CARS2: variants seen among roughly 807,000 people sequenced by gnomAD.
The protein encoded by CARS2 is probable cysteine--tRNA ligase, mitochondrial.
A neutral mutation model predicts 68.8 loss-of-function variants in CARS2; 52 were observed. That is an observed-to-expected ratio of 0.76 (90% CI 0.61 to 0.95). CARS2 has a LOEUF of 0.95. Ranked by LOEUF, CARS2 falls within the 40% of genes least tolerant of loss-of-function variation. CARS2 has a pLI of 0.00. For synonymous variants in CARS2, 314 were observed against 303.6 expected (o/e 1.03, Z -0.36); for missense variants, 780 against 754.2 (o/e 1.03, Z -0.40).
intron 3 of CARS2, among the ~76,000 whole-genome samples, chr13:110,699,779 T>C (rs1324406940): frequency 6.6e-6 from 1 of 152,150 alleles, no homozygotes; most frequent in Non-Finnish European, 1.5e-5. Context: ...GCAGTTAAAG[T>C]CAAAGGACCC....
Position 110,642,826 on chromosome 13 carries a change from G to A in CARS2, c.1417-305C>T, listed in dbSNP as rs770860538. On this transcript the variant is annotated intron_variant, in intron 13 of 14. Transcript: ENST00000257347. ...CCGCCCTGAACACAAACGCTCCCTG[G>A]CTTCCAGACCTCACGCAATTGTGGC... 5.6e-5 allele frequency: 36 copies of A among 641,000 alleles called. No individual in the cohort carries two copies. The Middle Eastern group carries it at 7.3e-4, about 13-fold the overall frequency. The allele number at this position is 641,000 out of a possible 1,614,324, so 39.7% of individuals were successfully genotyped here. A position where few individuals can be genotyped will look rare whatever the true frequency, so the allele number is the denominator to read the frequency against.
chr13:110,677,700 G>T (rs1433585644), intron 6 of CARS2, among the ~76,000 whole-genome samples: 1 of 28,550 alleles, frequency 3.5e-5, no homozygotes, highest in African/African-American at 1.0e-4. Context: ...CAGCCACCCC[G>T]CCACGGAAAC....
At chr13:110,651,216 A>G in intron 9 of CARS2, 116 bp from the exon 10 acceptor site, 1 of 653,232 alleles carries the variant, frequency 1.5e-6, no homozygotes, top group Admixed American at 3.6e-5. Context: ...AGAAATCAGG[A>G]ACCTTGATGA....
intron 13 of CARS2, chr13:110,643,760 G>A (rs1435197393): frequency 1.2e-5 from 2 of 172,056 alleles, no homozygotes; most frequent in Non-Finnish European, 2.5e-5. Context: ...GAATAAGGCA[G>A]GAAACCTCAA....
rs201010636 is a variant in CARS2 at position 110,687,727 on chromosome 13, C to T, written c.565G>A (p.Ala189Thr). The T allele has an allele frequency of 3.3e-5, 52 of 1,581,826 alleles. No homozygotes were observed. The East Asian group carries it at 1.2e-3, about 35-fold the overall frequency. ...IIARGNAYST[A>T]KGNVYFDLKS... Reference sequence around the variant, plus strand: ...AAAAGAACATAAACCCTACCTTTTGCCGTTGAATAAGCGTTCCCACGAGCA... The same window carrying T: ...AAAAGAACATAAACCCTACCTTTTGTCGTTGAATAAGCGTTCCCACGAGCA... Residue 189 changes from alanine to threonine, a missense_variant, in exon 5 of 15, where the codon GCA (alanine) becomes ACA (threonine). By Grantham distance (58) the Ala-to-Thr change is moderately conservative. Coordinates refer to ENST00000257347, the MANE Select transcript of CARS2 (RefSeq NM_024537.4).
At chr13:110,683,583 A>C (rs2063214752) in intron 5 of CARS2, among the ~76,000 whole-genome samples, 1 of 152,238 alleles carries the variant, frequency 6.6e-6, no homozygotes, top group Non-Finnish European at 1.5e-5. Flanking sequence ...GTTATCACTG[A>C]CCTTCATTTA....
chr13:110,646,293 A>G (rs912737449), intron 11 of CARS2: 11 of 553,538 alleles, frequency 2.0e-5, no homozygotes, highest in Admixed American at 3.7e-5. Context: ...CCCAAGAAAA[A>G]GTCCCAGAGC....
chr13:110,647,601 C>G (rs1365766166), intron 10 of CARS2, among the ~76,000 whole-genome samples: 1 of 125,414 alleles, frequency 8.0e-6, no homozygotes, highest in Non-Finnish European at 1.6e-5. Context: ...ATGGCTAGCT[C>G]TGGAAAGAGG....
At chr13:110,713,421 C>A (rs1366120624) in exon 1 of CARS2, 1 of 1,006,144 alleles carries the variant, frequency 9.9e-7, no homozygotes, top group Non-Finnish European at 1.2e-6. Flanking sequence ...GGCTCTGCCT[C>A]CAAGTGCCAA....
Position 110,701,534 on chromosome 13 carries a change from G to A in CARS2, c.297C>T (p.Ile99=). 3 of 1,546,912 alleles carry A rather than the reference G, an allele frequency of 1.9e-6. No individual in the cohort carries two copies. Among genetic ancestry groups the A allele is most frequent in the Non-Finnish European group, 8.9e-7 (1 of 1,118,854 alleles). The change falls in exon 3 of 15, where the codon ATC becomes ATT. Residue 99 remains isoleucine, a synonymous_variant. Coordinates refer to ENST00000257347, the MANE Select transcript of CARS2 (RefSeq NM_024537.4). The stretch of plus-strand genomic sequence containing the variant: ...AAACCTTGGTTAGGATCCTTCGAAT[G>A]ATATCAAATCTAACATATGAGCTGA... ...GHACSYVRFD[I]IRRILTKVFG... is the part of the protein sequence containing the mutation.
chr13:110,703,106 ATTTGTT>A (rs2063838426), intron 2 of CARS2, among the ~76,000 whole-genome samples: 1 of 151,676 alleles, frequency 6.6e-6, no homozygotes, highest in Non-Finnish European at 1.5e-5. Context: ...AAACTGATCT[ATTTGTT>A]TTCCCCAAAC....
At chr13:110,691,721 GA>G (rs2063463947) in intron 3 of CARS2, among the ~76,000 whole-genome samples, 1 of 151,974 alleles carries the variant, frequency 6.6e-6, no homozygotes, top group South Asian at 2.1e-4. Context: ...GCTGTTTCTG[GA>G]CTTTTTGGTG....
intron 9 of CARS2, among the ~76,000 whole-genome samples, chr13:110,654,123 C>T (rs1016401772): frequency 6.6e-6 from 1 of 152,194 alleles, no homozygotes; most frequent in Non-Finnish European, 1.5e-5. Context: ...ACAGGGAGCC[C>T]GCTGGGTACA....
At position 110,653,688 on chromosome 13, in the gene CARS2, C is replaced by T. The variant is rs1198745699; in HGVS notation, c.988-2588G>A. 2.0e-5 allele frequency among the ~76,000 whole-genome samples: 3 copies of T among 152,190 alleles called. No homozygotes were observed. Among genetic ancestry groups the T allele is most frequent in the East Asian group, 1.9e-4 (1 of 5,200 alleles). Reference sequence around the variant, plus strand: ...TCTTCCCTGCTCTTGCGGGGGCGGGCGCTACTGCAGCGAGCTATAGTAGTA... The same window carrying T: ...TCTTCCCTGCTCTTGCGGGGGCGGGTGCTACTGCAGCGAGCTATAGTAGTA... On this transcript the variant is annotated intron_variant, in intron 9 of 14. Transcript: ENST00000257347. The surrounding 1 kb of genome is among the most constrained non-coding windows in gnomAD (Gnocchi z 5.6).
chr13:110,685,804 T>C (rs2063284611), intron 5 of CARS2, among the ~76,000 whole-genome samples: 2 of 152,058 alleles, frequency 1.3e-5, no homozygotes, highest in Non-Finnish European at 2.9e-5. Flanking sequence ...TTTATGGCGA[T>C]GCTTCATCAC....
At position 110,647,354 on chromosome 13, in the gene CARS2, G is replaced by A. The variant is rs557965887; in HGVS notation, c.1055-115C>T. The A allele has an allele frequency of 1.2e-4, 159 of 1,295,786 alleles. 1 individual carries two copies. The African/African-American group carries it at 1.7e-3, about 13-fold the overall frequency. 80.3% of individuals were successfully genotyped at this position (1,295,786 alleles called of 1,614,324 possible). ...GCCACCCAGGGACCACACGGAGAGC[G>A]GGACATGTGGCTCTCACGCCCTCCA... On this transcript the variant is annotated intron_variant, in intron 10 of 14. Coordinates refer to ENST00000257347, the MANE Select transcript of CARS2 (RefSeq NM_024537.4).
intron 1 of CARS2, chr13:110,712,619 T>C: frequency 2.2e-6 from 1 of 458,966 alleles, no homozygotes; most frequent in Non-Finnish European, 4.1e-6. Flanking sequence ...TCCGGGAGCT[T>C]TGGGAGGGTA....
At chr13:110,700,836 G>T (rs1269620540) in intron 3 of CARS2, among the ~76,000 whole-genome samples, 1 of 152,248 alleles carries the variant, frequency 6.6e-6, no homozygotes, top group African/African-American at 2.4e-5. Flanking sequence ...CGAGGGGCCA[G>T]GGGAGGGAGT....
intron 7 of CARS2, among the ~76,000 whole-genome samples, chr13:110,671,354 A>G (rs534584391): frequency 6.6e-6 from 1 of 152,382 alleles, no homozygotes; most frequent in African/African-American, 2.4e-5. Context: ...CATCAGACTA[A>G]CAGCAGATCT....
Sources: allele counts gnomAD v4.1 joint callset (sites outside exome capture counted in the v4.1 genomes callset), GRCh38; gene constraint gnomAD v4.1.1; non-coding constraint Gnocchi (gnomAD v3.1); transcripts MANE v1.5; gene names NCBI Gene and HGNC (gene_info 2026-07-23, HGNC 2026-07-21).